Variants in PDE6G observed in about 807,000 individuals in gnomAD.
PDE6G encodes the protein phosphodiesterase 6G.
A neutral mutation model predicts 10.9 loss-of-function variants in PDE6G; 10 were observed. That is an observed-to-expected ratio of 0.91 (90% confidence interval 0.56 to 1.55). The LOEUF is 1.55. PDE6G is among the 40% of genes most tolerant of loss of function. The pLI is 0.00. For synonymous variants in PDE6G, 41 were observed against 42.8 expected (o/e 0.96, Z 0.16); for missense variants, 102 against 110.1 (o/e 0.93, Z 0.33).
intron 1 of PDE6G, among the ~76,000 whole-genome samples, chr17:81,655,516 T>C (rs1243688689): frequency 2.0e-5 from 3 of 152,128 alleles, no homozygotes; most frequent in Non-Finnish European, 4.4e-5. Flanking sequence ...CAGGGTGGCC[T>C]CTCCTCCTCC....
chr17:81,659,763 T>C (rs1272746263), upstream of PDE6G, among the ~76,000 whole-genome samples: 7 of 152,118 alleles, frequency 4.6e-5, no homozygotes, highest in Admixed American at 4.6e-4. Context: ...CTCTACGTAA[T>C]TGCTTGGAAG....
At chr17:81,662,872 G>A (rs1475860472) in intron 1 of PDE6G, among the ~76,000 whole-genome samples, 2 of 152,152 alleles carry the variant, frequency 1.3e-5, no homozygotes, top group Non-Finnish European at 1.5e-5. Flanking sequence ...GGTGGCACGC[G>A]CCTGTAGTCC....
upstream of PDE6G, among the ~76,000 whole-genome samples, chr17:81,661,514 C>A (rs8067006): frequency 0.07 from 10,648 of 152,026 alleles, 441 homozygotes; most frequent in Non-Finnish European, 0.085. Context: ...GTCAGGAGTT[C>A]GGGACCAGCC....
In PDE6G at chr17:81,651,372, T is replaced by C. The variant is rs981914274; in HGVS notation, c.188-222A>G. Among the ~76,000 whole-genome samples the C allele has an allele frequency of 6.6e-6, 1 of 151,904 alleles. No homozygotes were observed. Among genetic ancestry groups the C allele is most frequent in the Non-Finnish European group, 1.5e-5 (1 of 67,916 alleles). On this transcript the variant is annotated intron_variant, in intron 3 of 3. Transcript: ENST00000331056. The surrounding 1 kb of genome is among the most constrained non-coding windows in gnomAD (Gnocchi z 4.8). ...GAGGGAACCAGAGGAGGGTGGGGCT[T>C]GCTGAAGGGGGAGGAGGCAGCGAGG... is the stretch of plus-strand genomic sequence containing the variant.
chr17:81,651,708 G>A lies in PDE6G; in HGVS notation c.147-23C>T. The A allele has an allele frequency of 6.2e-7, 1 of 1,613,394 alleles. No individual in the cohort carries two copies. Among genetic ancestry groups the A allele is most frequent in the African/African-American group, 1.3e-5 (1 of 75,010 alleles). On this transcript the variant is annotated intron_variant, in intron 2 of 3. Transcript: ENST00000331056. This position sits in a 1 kb window ranked among gnomAD's most constrained non-coding sequence, Gnocchi z 4.8. Reference sequence around the variant, plus strand: ...AACCTGCAAGGACAGAGCACTCAGGGACATGGCCGGGCCCAGTCCTGGCTC... The same window carrying A: ...AACCTGCAAGGACAGAGCACTCAGGAACATGGCCGGGCCCAGTCCTGGCTC...
At chr17:81,658,420 G>A (rs1227274327), upstream of PDE6G, among the ~76,000 whole-genome samples, 1 of 152,108 alleles carries the variant, frequency 6.6e-6, no homozygotes, top group African/African-American at 2.4e-5. Context: ...CTACTTGGGA[G>A]GCTGAGGCAG....
chr17:81,656,570 T>A (rs1335763372), upstream of PDE6G: 1 of 759,416 alleles, frequency 1.3e-6, no homozygotes, highest in Non-Finnish European at 2.4e-6. Flanking sequence ...CCGGCCTTTA[T>A]CTCGCTGCTT....
chr17:81,663,036 G>A (rs1047454834), intron 1 of PDE6G: 4 of 152,202 alleles, frequency 2.6e-5, no homozygotes, highest in Non-Finnish European at 5.9e-5. Flanking sequence ...GGCATCCCAC[G>A]AGCACAGGAT....
chr17:81,658,756 G>A (rs1380201850), upstream of PDE6G, among the ~76,000 whole-genome samples: 8 of 151,880 alleles, frequency 5.3e-5, no homozygotes, highest in East Asian at 1.2e-3. Context: ...CAGGAGAATC[G>A]CTTGAACCCA....
chr17:81,656,939 C>A, upstream of PDE6G: 1 of 361,418 alleles, frequency 2.8e-6, no homozygotes, highest in Non-Finnish European at 5.3e-6. Flanking sequence ...CCCTCCCACC[C>A]CAGGGCCTTT....
intron 1 of PDE6G, among the ~76,000 whole-genome samples, chr17:81,655,199 G>T (rs2036427424): frequency 6.6e-6 from 1 of 152,234 alleles, no homozygotes. Context: ...CCGCAGTGCT[G>T]ATGGAGAATG....
At chr17:81,657,914 A>C (rs1568190670), upstream of PDE6G, among the ~76,000 whole-genome samples, 5 of 151,156 alleles carry the variant, frequency 3.3e-5, no homozygotes, top group Admixed American at 6.6e-5. Context: ...TAAATAAATA[A>C]AAACCCATAA....
At chr17:81,662,211 G>A (rs1404799719) in intron 1 of PDE6G, among the ~76,000 whole-genome samples, 1 of 152,054 alleles carries the variant, frequency 6.6e-6, no homozygotes, top group Non-Finnish European at 1.5e-5. Flanking sequence ...GACCTCCTGA[G>A]GCTGTCACAG....
At chr17:81,656,052 A>G (rs1395775334) in intron 1 of PDE6G, among the ~76,000 whole-genome samples, 2 of 151,708 alleles carry the variant, frequency 1.3e-5, no homozygotes, top group African/African-American at 2.4e-5. Flanking sequence ...CCCAATCCTC[A>G]TATCCTAGAT....
chr17:81,653,588 TG>T lies in PDE6G; in HGVS notation c.-59-225del. On this transcript the variant is annotated intron_variant, in intron 1 of 3. Transcript: ENST00000331056. This position sits in a 1 kb window ranked among gnomAD's most constrained non-coding sequence, Gnocchi z 5.2. ...CCTAGTGGATGCCCCCCTGCAACGC[TG>T]GCCACACACAGCTCCGGACTCCCCC... 1 of 491,940 alleles carries T rather than the reference TG, an allele frequency of 2.0e-6. No homozygotes were observed. The highest frequency in any genetic ancestry group is 2.1e-5 in the South Asian group (1 of 48,602). The allele number at this position is 491,940 out of a possible 1,614,324, so 30.5% of individuals were successfully genotyped here. A position where few individuals can be genotyped will look rare whatever the true frequency, so the allele number is the denominator to read the frequency against.
upstream of PDE6G, chr17:81,656,895 G>C (rs532352040): frequency 2.2e-6 from 1 of 462,426 alleles, no homozygotes; most frequent in South Asian, 2.2e-5. Context: ...TCTGCAGCCT[G>C]GCCCTCACCC....
At chr17:81,652,801 C>T (rs1430388648) in intron 2 of PDE6G, among the ~76,000 whole-genome samples, 1 of 45,866 alleles carries the variant, frequency 2.2e-5, no homozygotes, top group African/African-American at 1.2e-4. Flanking sequence ...CTCAAACTCG[C>T]GATCCTAGGG....
rs2036356023 is a variant in PDE6G at position 81,651,566 on chromosome 17, C to T, written c.187+79G>A. On this transcript the variant is annotated intron_variant, in intron 3 of 3. Coordinates refer to ENST00000331056, the MANE Select transcript of PDE6G (RefSeq NM_002602.4). This position sits in a 1 kb window ranked among gnomAD's most constrained non-coding sequence, Gnocchi z 4.8. ...CAGGGGAGGTGGGGGCCGAGGTGGG[C>T]TGCAATGGGCCCCGGGCGTGCTGGG... The T allele has an allele frequency of 2.9e-6, 4 of 1,365,894 alleles. No individual in the cohort carries two copies. The highest frequency in any genetic ancestry group is 4.2e-6 in the Non-Finnish European group (4 of 954,952). 84.6% of individuals were successfully genotyped at this position (1,365,894 alleles called of 1,614,324 possible).
At chr17:81,658,113 C>A (rs557843394), upstream of PDE6G, among the ~76,000 whole-genome samples, 1 of 151,828 alleles carries the variant, frequency 6.6e-6, no homozygotes, top group East Asian at 2.0e-4. Context: ...GAGACTGAGT[C>A]TCGCTCTGTT....
Sources: gnomAD v4.1 joint callset for allele counts (sites outside exome capture counted in the v4.1 genomes callset) on GRCh38, gnomAD v4.1.1 for gene constraint, Gnocchi (gnomAD v3.1) non-coding constraint, MANE v1.5 for transcripts, NCBI Gene and HGNC (gene_info 2026-07-23, HGNC 2026-07-21) for gene names.